BICRAL: variants seen among roughly 807,000 people sequenced by gnomAD.
BICRAL encodes the protein BICRA like chromatin remodeling complex associated protein.
In BICRAL, 8 loss-of-function variants were observed where a neutral mutation model predicts 91.8. The observed-to-expected ratio is 0.09, with a 90% CI of 0.05 to 0.16. The LOEUF (loss-of-function observed/expected upper bound fraction) is 0.16, where lower values mean the gene tolerates loss of function less well. Among genes scored for constraint, BICRAL ranks in the 10% least tolerant of loss-of-function variants. BICRAL has a pLI of 1.00. For missense variants in BICRAL, 1,038 were observed against 1,310.9 expected (o/e 0.79, Z 3.21); for synonymous variants, 445 against 491.1 (o/e 0.91, Z 1.24).
chr6:42,784,571 C>G lies in BICRAL; in HGVS notation c.-102+2470C>G, dbSNP rs1217158541. Among the ~76,000 whole-genome samples the G allele has an allele frequency of 2.6e-5, 4 of 152,132 alleles. No individual in the cohort carries two copies. In the East Asian group the frequency reaches 7.7e-4, roughly 29 times the overall value. ...ATGCTTTGTATAATTTCTATTATAT[C>G]AGCCCAGAAATAGTGATTTTATGAT... On this transcript the variant is annotated intron_variant, in intron 1 of 12. Transcript: ENST00000314073.
intron 1 of BICRAL, among the ~76,000 whole-genome samples, chr6:42,774,614 A>AT (rs1762784382): frequency 6.8e-6 from 1 of 146,256 alleles, no homozygotes; most frequent in African/African-American, 2.5e-5. Flanking sequence ...AGAGAGATAT[A>AT]TAAACATTTG....
intron 1 of BICRAL, among the ~76,000 whole-genome samples, chr6:42,790,887 T>C (rs1763253081): frequency 6.7e-6 from 1 of 149,756 alleles, no homozygotes; most frequent in Non-Finnish European, 1.5e-5. Flanking sequence ...GCTGGGGGAG[T>C]TGGGGAAGAG....
chr6:42,864,768 A>G lies in BICRAL; in HGVS notation c.2562A>G (p.Gln854=). 6.2e-7 allele frequency: 1 copy of G among 1,614,200 alleles called. No individual in the cohort carries two copies. The highest frequency in any genetic ancestry group is 8.5e-7 in the Non-Finnish European group (1 of 1,180,040). Residue 854 remains glutamine, a synonymous_variant, in exon 13 of 13, where the codon CAA becomes CAG. Transcript: ENST00000314073. ...GCAGTAAAGCAAGCAGCTCTCTGCA[A>G]CCGCCAGCCAAGGCCCAAGGCAGAG... The part of the protein sequence containing the change: ...QHGSKASSSL[Q]PPAKAQGRDR...
intron 2 of BICRAL, among the ~76,000 whole-genome samples, chr6:42,815,478 C>T (rs1403213319): frequency 6.6e-6 from 1 of 152,000 alleles, no homozygotes; most frequent in Non-Finnish European, 1.5e-5. Flanking sequence ...AGGCGTGAGC[C>T]ACCGTGCCCA....
chr6:42,825,950 G>T (rs1294104308), intron 5 of BICRAL, among the ~76,000 whole-genome samples: 1 of 151,886 alleles, frequency 6.6e-6, no homozygotes, highest in Non-Finnish European at 1.5e-5. Flanking sequence ...GGGCGTGGTG[G>T]TGGGCACCTG....
chr6:42,779,783 G>C (rs572220052), upstream of BICRAL, among the ~76,000 whole-genome samples: 7 of 152,222 alleles, frequency 4.6e-5, no homozygotes, highest in South Asian at 1.5e-3. Context: ...ACCATGCCCG[G>C]CTAATTTTTG....
At chr6:42,842,246 C>G (rs1764819816) in intron 6 of BICRAL, among the ~76,000 whole-genome samples, 1 of 152,138 alleles carries the variant, frequency 6.6e-6, no homozygotes, top group Non-Finnish European at 1.5e-5. Flanking sequence ...TAAAGTGCAG[C>G]CAGGATACAG....
chr6:42,755,085 A>G (rs1762440099), intron 1 of BICRAL, among the ~76,000 whole-genome samples: 1 of 152,208 alleles, frequency 6.6e-6, no homozygotes, highest in African/African-American at 2.4e-5. Flanking sequence ...CATGCTGAGT[A>G]TGAGGAGAAA....
intron 6 of BICRAL, among the ~76,000 whole-genome samples, chr6:42,842,191 A>G (rs1582863972): frequency 6.6e-6 from 1 of 152,336 alleles, no homozygotes; most frequent in Middle Eastern, 3.4e-3. Flanking sequence ...GTCTGGAGAA[A>G]GGGCTTTAGG....
At chr6:42,818,098 G>A (rs1764047519) in intron 2 of BICRAL, among the ~76,000 whole-genome samples, 1 of 152,048 alleles carries the variant, frequency 6.6e-6, no homozygotes, top group Admixed American at 6.6e-5. Context: ...CTCACTAGAG[G>A]TTATATGAGT....
intron 5 of BICRAL, among the ~76,000 whole-genome samples, chr6:42,825,621 C>T (rs1304258328): frequency 6.6e-6 from 1 of 151,652 alleles, no homozygotes; most frequent in Non-Finnish European, 1.5e-5. Flanking sequence ...TAGTCCCAGT[C>T]CTGCTGAGGC....
At chr6:42,797,389 G>T (rs1162010540) in intron 1 of BICRAL, among the ~76,000 whole-genome samples, 1 of 151,928 alleles carries the variant, frequency 6.6e-6, no homozygotes, top group Non-Finnish European at 1.5e-5. Flanking sequence ...TCTTTTATAC[G>T]TTAAAATCCT....
chr6:42,866,784 C>T lies in BICRAL; in HGVS notation c.*1338C>T, dbSNP rs564806054. ...TTATTTCTTGTCAGGGAGTATTCTC[C>T]GTTTTCCTTTCTCGTATACCTGCCC... On this transcript the variant is annotated 3_prime_UTR_variant, in exon 13 of 13. Coordinates refer to ENST00000314073, the MANE Select transcript of BICRAL (RefSeq NM_001393499.1). 3.1e-5 allele frequency: 14 copies of T among 456,320 alleles called. No homozygotes were observed. Among genetic ancestry groups the T allele is most frequent in the South Asian group, 1.1e-4 (7 of 64,548 alleles). The allele number at this position is 456,320 out of a possible 1,614,324, so 28.3% of individuals were successfully genotyped here.
intron 1 of BICRAL, among the ~76,000 whole-genome samples, chr6:42,793,404 G>A (rs868531427): frequency 6.9e-6 from 1 of 144,450 alleles, no homozygotes; most frequent in African/African-American, 2.6e-5. Flanking sequence ...CACCCGCCTC[G>A]GCCTCCCAAA....
intron 1 of BICRAL, among the ~76,000 whole-genome samples, chr6:42,800,817 C>T (rs952046593): frequency 6.6e-6 from 1 of 152,150 alleles, no homozygotes; most frequent in African/African-American, 2.4e-5. Context: ...TGTTTGTTAA[C>T]ATTGTTATTT....
chr6:42,785,928 G>C (rs1318647724), intron 1 of BICRAL, among the ~76,000 whole-genome samples: 1 of 152,206 alleles, frequency 6.6e-6, no homozygotes, highest in Non-Finnish European at 1.5e-5. Context: ...GTGGGCACAT[G>C]CCTGTAATCT....
At chr6:42,793,882 C>T (rs1338476797) in intron 1 of BICRAL, among the ~76,000 whole-genome samples, 1 of 151,368 alleles carries the variant, frequency 6.6e-6, no homozygotes, top group Non-Finnish European at 1.5e-5. Context: ...AGGTGCACAC[C>T]ATCATGCCTG....
chr6:42,761,996 A>G (rs1762558062), intron 1 of BICRAL, among the ~76,000 whole-genome samples: 1 of 152,168 alleles, frequency 6.6e-6, no homozygotes, highest in African/African-American at 2.4e-5. Flanking sequence ...AGTACCAAGT[A>G]TTGGGCCAGG....
intron 1 of BICRAL, among the ~76,000 whole-genome samples, chr6:42,771,792 G>C (rs1762740543): frequency 6.6e-6 from 1 of 152,098 alleles, no homozygotes; most frequent in African/African-American, 2.4e-5. Context: ...TTGGGAGGCT[G>C]AGTCTCCAAT....
Sources: allele counts gnomAD v4.1 joint callset (sites outside exome capture counted in the v4.1 genomes callset), GRCh38; gene constraint gnomAD v4.1.1; transcripts MANE v1.5; gene names NCBI Gene and HGNC (gene_info 2026-07-23, HGNC 2026-07-21).